Variants in EPHB1 observed in about 807,000 individuals in gnomAD.
The protein encoded by EPHB1 is EPH receptor B1.
Under a neutral mutation model 94.4 loss-of-function variants are expected in EPHB1, and 30 were observed. The observed-to-expected ratio is 0.32, with a 90% CI of 0.24 to 0.43. The LOEUF is 0.43. Ranked by LOEUF, EPHB1 falls within the 20% of genes least tolerant of loss-of-function variation. The pLI is 1.00. For missense variants in EPHB1, 1,055 were observed against 1,308.3 expected (o/e 0.81, Z 2.99); for synonymous variants, 522 against 489.1 (o/e 1.07, Z -0.89).
intron 15 of EPHB1, among the ~76,000 whole-genome samples, chr3:135,252,108 G>C (rs1469243643): frequency 6.6e-6 from 1 of 151,832 alleles, no homozygotes; most frequent in Non-Finnish European, 1.5e-5. Flanking sequence ...CAAAGTACTT[G>C]ATCCATTATC....
chr3:134,898,209 C>T (rs995810813), intron 1 of EPHB1, among the ~76,000 whole-genome samples: 1 of 152,110 alleles, frequency 6.6e-6, no homozygotes, highest in African/African-American at 2.4e-5. Context: ...CATGGCCAGC[C>T]TCCTATAAGT....
rs373720671 is a variant in EPHB1, at chr3:134,941,105, A to C, written c.124-10266A>C. 4.1e-3 allele frequency among the ~76,000 whole-genome samples: 626 copies of C among 152,344 alleles called. 1 individual carries two copies. Among genetic ancestry groups the C allele is most frequent in the Non-Finnish European group, 7.0e-3 (475 of 68,030 alleles). ...GAGGTTATAATGATGCAGCATCATG[A>C]TAGTCATTGGGCATTCTTAGAGGAG... is the stretch of plus-strand genomic sequence containing the variant. On this transcript the variant is annotated intron_variant, in intron 2 of 15. Coordinates refer to ENST00000398015, the MANE Select transcript of EPHB1 (RefSeq NM_004441.5).
intron 2 of EPHB1, among the ~76,000 whole-genome samples, chr3:134,950,220 G>A (rs1932970323): frequency 6.6e-6 from 1 of 152,110 alleles, no homozygotes; most frequent in Admixed American, 6.5e-5. Context: ...GCTATAAATG[G>A]GAGCTCACTT....
intron 12 of EPHB1, among the ~76,000 whole-genome samples, chr3:135,219,650 T>G (rs1188514095): frequency 6.6e-6 from 1 of 152,234 alleles, no homozygotes; most frequent in Non-Finnish European, 1.5e-5. Context: ...TTGGTTGTTA[T>G]GTTCACTGAG....
At chr3:134,827,791 A>G (rs1007390868) in intron 1 of EPHB1, among the ~76,000 whole-genome samples, 2 of 152,168 alleles carry the variant, frequency 1.3e-5, no homozygotes, top group Non-Finnish European at 2.9e-5. Flanking sequence ...GCAAATCAAG[A>G]GTACACAGAC....
chr3:134,976,625 A>G (rs1934203293), intron 3 of EPHB1, among the ~76,000 whole-genome samples: 1 of 152,188 alleles, frequency 6.6e-6, no homozygotes, highest in South Asian at 2.1e-4. Flanking sequence ...CTCCTCCTCT[A>G]TGCATCTGTA....
chr3:134,941,977 T>A (rs143948480), intron 2 of EPHB1, among the ~76,000 whole-genome samples: 1 of 152,352 alleles, frequency 6.6e-6, no homozygotes, highest in Non-Finnish European at 1.5e-5. Flanking sequence ...ACAAGTACTT[T>A]CTAATGGATG....
At chr3:134,930,113 C>T (rs567770331) in intron 2 of EPHB1, among the ~76,000 whole-genome samples, 3 of 152,338 alleles carry the variant, frequency 2.0e-5, no homozygotes, top group South Asian at 4.1e-4. Context: ...CAGTGCATAG[C>T]CTGTGTGGCA....
rs373057937 is a variant in EPHB1 at position 134,851,354 on chromosome 3, C to T, written c.58+55665C>T. On this transcript the variant is annotated intron_variant, in intron 1 of 15. Coordinates refer to ENST00000398015, the MANE Select transcript of EPHB1 (RefSeq NM_004441.5). ...AGCCTTTCCTCCCTGATCCCCAGTG[C>T]CCTTTGACCCGGATCCCCATCTCCC... is the stretch of plus-strand genomic sequence containing the variant. 8.5e-5 allele frequency among the ~76,000 whole-genome samples: 13 copies of T among 152,284 alleles called. No homozygotes were observed. The East Asian group carries it at 2.1e-3, about 25-fold the overall frequency.
intron 1 of EPHB1, among the ~76,000 whole-genome samples, chr3:134,913,651 A>G (rs1467257285): frequency 6.6e-6 from 1 of 152,234 alleles, no homozygotes; most frequent in Admixed American, 6.5e-5. Flanking sequence ...CCAGGGCTGG[A>G]GAGCCCACTT....
intron 1 of EPHB1, among the ~76,000 whole-genome samples, chr3:134,809,764 C>A (rs1402630135): frequency 6.6e-6 from 1 of 152,222 alleles, no homozygotes; most frequent in Non-Finnish European, 1.5e-5. Context: ...ATGCAGACTT[C>A]TGAGCAACCC....
intron 1 of EPHB1, among the ~76,000 whole-genome samples, chr3:134,830,712 C>A (rs1578121193): frequency 6.6e-6 from 1 of 152,142 alleles, no homozygotes; most frequent in Admixed American, 6.5e-5. Flanking sequence ...GGCTGATGGG[C>A]ATGACCGTGT....
chr3:134,888,272 C>T (rs537650369), intron 1 of EPHB1, among the ~76,000 whole-genome samples: 4 of 152,098 alleles, frequency 2.6e-5, no homozygotes, highest in Non-Finnish European at 5.9e-5. Flanking sequence ...ACACAGATCT[C>T]AGTTCTACAC....
intron 4 of EPHB1, among the ~76,000 whole-genome samples, chr3:135,108,093 A>G (rs1282737567): frequency 1.3e-5 from 2 of 152,160 alleles, no homozygotes; most frequent in African/African-American, 4.8e-5. Context: ...GACTCACAGT[A>G]TTCCTCCTGA....
chr3:135,106,097 G>A (rs1417513723), intron 3 of EPHB1, among the ~76,000 whole-genome samples: 1 of 152,168 alleles, frequency 6.6e-6, no homozygotes, highest in African/African-American at 2.4e-5. Context: ...TGTTAACCAG[G>A]TAGACAGAAG....
intron 1 of EPHB1, among the ~76,000 whole-genome samples, chr3:134,821,856 T>C (rs1209349582): frequency 6.6e-6 from 1 of 152,214 alleles, no homozygotes; most frequent in Admixed American, 6.5e-5. Context: ...TCTCCCTTTT[T>C]TCCAACCTGG....
At chr3:134,905,712 T>C (rs2038309730) in intron 1 of EPHB1, among the ~76,000 whole-genome samples, 1 of 152,208 alleles carries the variant, frequency 6.6e-6, no homozygotes, top group African/African-American at 2.4e-5. Context: ...CTGGACTGAC[T>C]CTTGGCTTAT....
chr3:135,204,418 C>G lies in EPHB1; in HGVS notation c.2346+2729C>G, dbSNP rs7618953. On this transcript the variant is annotated intron_variant, in intron 12 of 15. Coordinates refer to ENST00000398015, the MANE Select transcript of EPHB1 (RefSeq NM_004441.5). ...ATGGGTTTTCGCCATGTTGGCCAGG[C>G]TGGTCTCGAACTCTTGACCTCAGTT... Among the ~76,000 whole-genome samples, 448 of 152,194 alleles carry G rather than the reference C, an allele frequency of 2.9e-3. 3 individuals carry two copies. The highest frequency in any genetic ancestry group is 0.01 in the African/African-American group (425 of 41,512).
chr3:135,258,161 C>T (rs35943770), intron 15 of EPHB1, among the ~76,000 whole-genome samples: 13,795 of 152,218 alleles, frequency 0.091, 686 homozygotes, highest in Middle Eastern at 0.2. Flanking sequence ...AGAAATCACC[C>T]GTCTTCTGCG....
Sources: allele counts gnomAD v4.1 joint callset (sites outside exome capture counted in the v4.1 genomes callset), GRCh38; gene constraint gnomAD v4.1.1; transcripts MANE v1.5; gene names NCBI Gene and HGNC (gene_info 2026-07-23, HGNC 2026-07-21).